Variants in CAND2 observed in about 807,000 individuals in gnomAD.
CAND2 encodes cullin associated and neddylation dissociated 2 (putative).
A neutral mutation model predicts 98.9 loss-of-function variants in CAND2; 62 were observed. The observed-to-expected ratio is 0.63, with a 90% CI of 0.51 to 0.77. CAND2 has a LOEUF of 0.77. CAND2 is among the 30% of genes least tolerant of loss of function. CAND2 has a pLI of 0.00. For missense variants in CAND2, 1,501 were observed against 1,655.2 expected, an observed-to-expected ratio of 0.91 and a Z score of 1.62; for synonymous variants, 770 against 731.9, an observed-to-expected ratio of 1.05 and a Z score of -0.84.
chr3:12,816,672 C>A lies in CAND2; in HGVS notation c.1740C>A (p.Ala580=). ...CTGTCACCCTGGCGCGACTTCGTGC[C>A]ACTGACCTGGACCAGGAGGTGAAGG... ...MSAVTLARLR[A]TDLDQEVKER... Residue 580 remains alanine, a synonymous_variant, in exon 10 of 15, where the codon GCC becomes GCA. Coordinates refer to ENST00000456430, the MANE Select transcript of CAND2 (RefSeq NM_001162499.2). The A allele has an allele frequency of 1.2e-6, 2 of 1,613,770 alleles. No homozygotes were observed. The highest frequency in any genetic ancestry group is 1.7e-6 in the Non-Finnish European group (2 of 1,180,046).
At chr3:12,833,431 G>A (rs953510406) in intron 14 of CAND2, among the ~76,000 whole-genome samples, 2 of 152,154 alleles carry the variant, frequency 1.3e-5, no homozygotes, top group African/African-American at 4.8e-5. Context: ...CCTGCAGTCT[G>A]TAGGAGGTAA....
At chr3:12,831,062 G>A (rs952716370) in intron 13 of CAND2, among the ~76,000 whole-genome samples, 4 of 142,616 alleles carry the variant, frequency 2.8e-5, no homozygotes, top group African/African-American at 5.7e-5. Context: ...TTTAAAAATC[G>A]AGACTTTTTT....
At chr3:12,806,150 A>G (rs769852911) in intron 2 of CAND2, among the ~76,000 whole-genome samples, 23 of 152,178 alleles carry the variant, frequency 1.5e-4, no homozygotes, top group Admixed American at 3.3e-4. Flanking sequence ...TGGGCAACAT[A>G]GCGAGACACT....
intron 4 of CAND2, among the ~76,000 whole-genome samples, chr3:12,809,325 C>G (rs560923672): frequency 1.3e-5 from 2 of 152,078 alleles, no homozygotes; most frequent in Non-Finnish European, 2.9e-5. Flanking sequence ...AGGGCAGCTC[C>G]CAGGATCAGT....
Position 12,817,424 on chromosome 3 carries a change from G to T in CAND2, c.2492G>T (p.Arg831Met), listed in dbSNP as rs1267688901. ...STASRLVCDA[R>M]SPHSSTGVKV... Reference sequence around the variant, plus strand: ...GCCAGTCGCCTGGTCTGCGATGCCAGGTCGCCCCACTCCAGCACGGGGGTC... The same window carrying T: ...GCCAGTCGCCTGGTCTGCGATGCCATGTCGCCCCACTCCAGCACGGGGGTC... The change falls in exon 10 of 15, where the codon AGG (arginine) becomes ATG (methionine). Residue 831 changes from arginine (R) to methionine (M), a missense_variant. Transcript: ENST00000456430. 5 of 1,613,710 alleles carry T rather than the reference G, an allele frequency of 3.1e-6. No individual in the cohort carries two copies. Among genetic ancestry groups the T allele is most frequent in the Middle Eastern group, 1.7e-4 (1 of 6,048 alleles).
At chr3:12,806,728 A>G (rs2061808916) in intron 2 of CAND2, among the ~76,000 whole-genome samples, 1 of 152,118 alleles carries the variant, frequency 6.6e-6, no homozygotes, top group Non-Finnish European at 1.5e-5. Context: ...TCACCTGGGG[A>G]CCTTGTGGCG....
At chr3:12,814,379 G>A (rs536495081) in intron 7 of CAND2, among the ~76,000 whole-genome samples, 7 of 152,268 alleles carry the variant, frequency 4.6e-5, no homozygotes, top group African/African-American at 1.7e-4. Flanking sequence ...GCTGTTCCTC[G>A]CTGTGTGCCC....
intron 13 of CAND2, among the ~76,000 whole-genome samples, chr3:12,828,759 AC>A (rs2062026210): frequency 1.3e-5 from 2 of 152,130 alleles, no homozygotes; most frequent in East Asian, 3.9e-4. Flanking sequence ...TGAAAACTGC[AC>A]CCATTCAACA....
In CAND2 at chr3:12,803,629, G is replaced by A. The variant is rs1335637360; in HGVS notation, c.210G>A (p.Lys70=). The part of the protein sequence containing the change: ...KNGEVQNLAV[K]CLGPLVVKVK... ...GTGAGGTGCAGAACCTGGCTGTCAA[G>A]TGGTGAGTGTCAGCCTCGGTGGAGC... Residue 70 remains lysine (K), a splice_region_variant and synonymous_variant, in exon 2 of 15, where the codon AAG becomes AAA. Transcript: ENST00000456430. 2 of 1,603,708 alleles carry A rather than the reference G, an allele frequency of 1.2e-6. No homozygotes were observed. The highest frequency in any genetic ancestry group is 8.5e-7 in the Non-Finnish European group (1 of 1,174,298).
rs755379183 is a variant in CAND2, at chr3:12,815,188, C to T, written c.1054C>T (p.Arg352Cys). The T allele has an allele frequency of 9.9e-6, 16 of 1,613,456 alleles. No homozygotes were observed. The highest frequency in any genetic ancestry group is 7.7e-5 in the South Asian group (7 of 91,054). The change falls in exon 8 of 15, where the codon CGC (arginine) becomes TGC (cysteine). Residue 352 changes from arginine (R) to cysteine (C), a missense_variant. Transcript: ENST00000456430. This position sits in a 1 kb window ranked among gnomAD's most constrained non-coding sequence, Gnocchi z 5.7. Reference protein sequence around the residue: ...SDDDDMSWKVRRAAAKCIAAL... With the variant: ...SDDDDMSWKVCRAAAKCIAAL... Reference sequence around the variant, plus strand: ...TGACGATGACATGAGCTGGAAGGTGCGCCGGGCAGCTGCCAAGTGCATCGC... The same window carrying T: ...TGACGATGACATGAGCTGGAAGGTGTGCCGGGCAGCTGCCAAGTGCATCGC...
In CAND2 at chr3:12,817,329, G is replaced by C; in HGVS notation, c.2397G>C (p.Gln799His). Residue 799 changes from glutamine (Q) to histidine (H), a missense_variant, in exon 10 of 15, where the codon CAG becomes CAC. Gln to His is a conservative substitution (Grantham distance 24). Transcript: ENST00000456430. The stretch of plus-strand genomic sequence containing the variant: ...ATGGTGGGCCTGGCCTGCACAAGCA[G>C]GTGTTCCACTCATTGGCCCGGTGTG... The part of the protein sequence containing the change: ...AVDGGPGLHK[Q>H]VFHSLARCVA... 3 of 1,613,982 alleles carry C rather than the reference G, an allele frequency of 1.9e-6. No individual in the cohort carries two copies. Among genetic ancestry groups the C allele is most frequent in the Non-Finnish European group, 2.5e-6 (3 of 1,180,032 alleles).
intron 13 of CAND2, among the ~76,000 whole-genome samples, chr3:12,831,140 A>C (rs987819539): frequency 4.6e-5 from 7 of 152,150 alleles, no homozygotes; most frequent in Admixed American, 3.9e-4. Flanking sequence ...TTGCACTCCC[A>C]CCTGGCCACA....
rs556371400 is a variant in CAND2 at position 12,834,620 on chromosome 3, T to C, written c.*638T>C. ...TCATTTCTAATTTCAAAATACTTAT[T>C]AGCAAATTGGGCAACAATGGGCATC... On this transcript the variant is annotated 3_prime_UTR_variant, in exon 15 of 15. Transcript: ENST00000456430. 15 of 152,596 alleles carry C rather than the reference T, an allele frequency of 9.8e-5. No homozygotes were observed. Among genetic ancestry groups the C allele is most frequent in the Admixed American group, 8.5e-4 (13 of 15,336 alleles). 9.5% of individuals were successfully genotyped at this position (152,596 alleles called of 1,614,324 possible). A position where few individuals can be genotyped will look rare whatever the true frequency, so the allele number is the denominator to read the frequency against.
In CAND2 at chr3:12,816,966, C is replaced by A. The variant is rs745953797; in HGVS notation, c.2034C>A (p.Ala678=). The change falls in exon 10 of 15, where the codon GCC becomes GCA. Residue 678 remains alanine (A), a synonymous_variant. Coordinates refer to ENST00000456430, the MANE Select transcript of CAND2 (RefSeq NM_001162499.2). ...LRLATLAALD[A]LAQSQGLSLP... Reference sequence around the variant, plus strand: ...TGGCCACACTGGCAGCCCTGGACGCCCTGGCCCAGAGCCAGGGCCTCAGCC... The same window carrying A: ...TGGCCACACTGGCAGCCCTGGACGCACTGGCCCAGAGCCAGGGCCTCAGCC... 2 of 1,613,192 alleles carry A rather than the reference C, an allele frequency of 1.2e-6. No homozygotes were observed. Among genetic ancestry groups the A allele is most frequent in the South Asian group, 1.1e-5 (1 of 91,074 alleles).
chr3:12,814,404 G>C (rs77142072), intron 7 of CAND2, among the ~76,000 whole-genome samples: 3,448 of 152,272 alleles, frequency 0.023, 121 homozygotes, highest in African/African-American at 0.077. Context: ...AGTCTCACCC[G>C]CTCTGAGTCT....
Position 12,817,005 on chromosome 3 carries a change from C to T in CAND2, c.2073C>T (p.Ala691=), listed in dbSNP as rs370373570. ...AGGGCCTCAGCCTCCCACCGTCTGC[C>T]GTGCAGGCCGTGCTGGCTGAGCTGC... The part of the protein sequence containing the change: ...QSQGLSLPPS[A]VQAVLAELPA... The change falls in exon 10 of 15, where the codon GCC becomes GCT. Residue 691 remains alanine (A), a synonymous_variant. Transcript: ENST00000456430. The T allele has an allele frequency of 5.6e-6, 9 of 1,612,924 alleles. No homozygotes were observed. The highest frequency in any genetic ancestry group is 4.5e-5 in the East Asian group (2 of 44,878).
At chr3:12,820,274 A>G (rs1044039805) in intron 11 of CAND2, 93 bp downstream of exon 11, 47 of 931,366 alleles carry the variant, frequency 5.0e-5, no homozygotes, top group Non-Finnish European at 1.7e-5. Context: ...AGCCAAGGGC[A>G]ATGGGAGACC....
chr3:12,802,740 G>T lies in CAND2; in HGVS notation c.69-748G>T, dbSNP rs186983827. Among the ~76,000 whole-genome samples, 8 of 152,280 alleles carry T rather than the reference G, an allele frequency of 5.3e-5. No individual in the cohort carries two copies. In the East Asian group the frequency reaches 1.5e-3, roughly 29 times the overall value. On this transcript the variant is annotated intron_variant, in intron 1 of 14. Transcript: ENST00000456430. ...ACGACGGGGAAACATTCTGAGAAGT[G>T]CATCCTTAGGCGATTTTGTCCTTGT... is the stretch of plus-strand genomic sequence containing the variant.
At chr3:12,811,061 G>T (rs1440317589) in intron 5 of CAND2, among the ~76,000 whole-genome samples, 1 of 151,600 alleles carries the variant, frequency 6.6e-6, no homozygotes, top group Middle Eastern at 3.2e-3. Context: ...CTGGCATATG[G>T]TCAGCCCCTC....
Sources: gnomAD v4.1 joint callset for allele counts (sites outside exome capture counted in the v4.1 genomes callset) on GRCh38, gnomAD v4.1.1 for gene constraint, Gnocchi (gnomAD v3.1) non-coding constraint, MANE v1.5 for transcripts, NCBI Gene and HGNC (gene_info 2026-07-23, HGNC 2026-07-21) for gene names.